TXNDC5: variants seen among roughly 807,000 people sequenced by gnomAD.
TXNDC5 encodes the protein thioredoxin domain-containing protein 5.
TXNDC5 carries 44 observed loss-of-function variants against 52.6 expected under a neutral mutation model. That is an observed-to-expected ratio of 0.84 (90% CI 0.66 to 1.08). The LOEUF is 1.08. Ranked by LOEUF, TXNDC5 falls within the 50% of genes least tolerant of loss-of-function variation. The pLI, the probability that TXNDC5 is intolerant of heterozygous loss-of-function variation, is 0.00. For synonymous variants in TXNDC5, 241 were observed against 234.4 expected (o/e 1.03, Z -0.26); for missense variants, 600 against 565.5 (o/e 1.06, Z -0.62).
intron 7 of TXNDC5, among the ~76,000 whole-genome samples, chr6:7,886,976 A>C (rs1760004244): frequency 6.6e-6 from 1 of 152,240 alleles, no homozygotes; most frequent in African/African-American, 2.4e-5. Flanking sequence ...TGCTGCGATG[A>C]AAACATCCGT....
chr6:7,889,477 TA>T lies in TXNDC5; in HGVS notation c.819+17del. 6.2e-7 allele frequency: 1 copy of T among 1,610,742 alleles called. No homozygotes were observed. The highest frequency in any genetic ancestry group is 8.5e-7 in the Non-Finnish European group (1 of 1,177,138). On this transcript the variant is annotated intron_variant, in intron 6 of 9. Transcript: ENST00000379757. ...TTAAGAGATGAAGAATTCTCAGTACTAAGAAGTGCAGACGTACCTTTTTCCC... is the reference window on the plus strand; with the variant it reads ...TTAAGAGATGAAGAATTCTCAGTACTAGAAGTGCAGACGTACCTTTTTCCC...
At chr6:7,888,254 C>T (rs931155737) in intron 7 of TXNDC5, among the ~76,000 whole-genome samples, 9 of 152,186 alleles carry the variant, frequency 5.9e-5, no homozygotes, top group Non-Finnish European at 8.8e-5. Flanking sequence ...CTGATCGCTG[C>T]GGATGCCCTC....
chr6:7,910,474 C>A (rs1304449178), intron 1 of TXNDC5, 40 bp downstream of exon 1: 2 of 1,375,422 alleles, frequency 1.5e-6, no homozygotes, highest in Non-Finnish European at 1.9e-6. Context: ...CCCCGCGAAG[C>A]GCCAAGTGCG....
chr6:7,889,337 A>G (rs1409258729), intron 6 of TXNDC5, 158 bp downstream of exon 6: 1 of 618,134 alleles, frequency 1.6e-6, no homozygotes. Flanking sequence ...AATCTTATCA[A>G]TTAAGAGAAA....
At chr6:7,906,563 A>AAAAAAAC (rs1294037939) in intron 1 of TXNDC5, among the ~76,000 whole-genome samples, 1 of 150,234 alleles carries the variant, frequency 6.7e-6, no homozygotes, top group East Asian at 2.0e-4. Context: ...AAAAAGAAAA[A>AAAAAAAC]CAGACTTAAA....
Position 7,888,722 on chromosome 6 carries a change from C to T in TXNDC5, c.946G>A (p.Glu316Lys), listed in dbSNP as rs529416999. 1.5e-5 allele frequency: 24 copies of T among 1,612,572 alleles called. No individual in the cohort carries two copies. In the East Asian group the frequency reaches 5.3e-4, roughly 36 times the overall value. Residue 316 changes from glutamate to lysine, a missense_variant, in exon 7 of 10, where the codon GAG (glutamate) becomes AAG (lysine). Coordinates refer to ENST00000379757, the MANE Select transcript of TXNDC5 (RefSeq NM_030810.5). ...TPSEAPVLAA[E>K]PEADKGTVLA... ...GCACCCACCTTGTCAGCCTCGGGCT[C>T]AGCTGCCAGCACCGGGGCCTCTGAG...
In TXNDC5 at chr6:7,899,121, A is replaced by C. The variant is rs536008783; in HGVS notation, c.519+455T>G. Among the ~76,000 whole-genome samples the C allele has an allele frequency of 1.2e-4, 18 of 152,254 alleles. No individual in the cohort carries two copies. In the South Asian group the frequency reaches 3.5e-3, roughly 30 times the overall value. On this transcript the variant is annotated intron_variant, in intron 3 of 9. Coordinates refer to ENST00000379757, the MANE Select transcript of TXNDC5 (RefSeq NM_030810.5). ...GGATAGGAGATTCTAGGCTGGGCCC[A>C]GCCCTGACCCCAGGTGGTCCAGAGT...
At chr6:7,902,081 G>A (rs979604913) in intron 2 of TXNDC5, among the ~76,000 whole-genome samples, 5 of 152,166 alleles carry the variant, frequency 3.3e-5, no homozygotes, top group Non-Finnish European at 7.3e-5. Context: ...CGGCAGTGAT[G>A]CATCTACAAG....
At chr6:7,895,868 C>G (rs1230133828) in intron 3 of TXNDC5, among the ~76,000 whole-genome samples, 1 of 152,160 alleles carries the variant, frequency 6.6e-6, no homozygotes, top group East Asian at 1.9e-4. Context: ...TGACGTGCGC[C>G]TGTGGTCCCA....
chr6:7,894,642 A>G, intron 4 of TXNDC5: 1 of 816,028 alleles, frequency 1.2e-6, no homozygotes, highest in Non-Finnish European at 1.5e-6. Context: ...AAAACAATGT[A>G]CCTTAATTAA....
At chr6:7,902,416 C>T (rs1391316949) in intron 2 of TXNDC5, among the ~76,000 whole-genome samples, 1 of 152,220 alleles carries the variant, frequency 6.6e-6, no homozygotes, top group Non-Finnish European at 1.5e-5. Context: ...GGAGCCCAAA[C>T]TCCCTGCCCC....
intron 2 of TXNDC5, among the ~76,000 whole-genome samples, chr6:7,904,326 G>A (rs538559511): frequency 4.6e-5 from 7 of 152,188 alleles, no homozygotes; most frequent in South Asian, 2.1e-4. Context: ...CTAGCATGGC[G>A]GGACCGTCAT....
At chr6:7,905,813 C>T (rs1314552653) in intron 1 of TXNDC5, among the ~76,000 whole-genome samples, 4 of 152,280 alleles carry the variant, frequency 2.6e-5, no homozygotes, top group South Asian at 4.1e-4. Flanking sequence ...TTTGCTGTAT[C>T]GCTTTTTAAA....
chr6:7,889,072 C>A, intron 6 of TXNDC5: 1 of 558,122 alleles, frequency 1.8e-6, no homozygotes, highest in South Asian at 3.1e-5. Context: ...CGGGGTTACA[C>A]ATCACAGAAG....
rs1760863368 is a variant in TXNDC5 at position 7,910,057 on chromosome 6, G to A, written c.263+457C>T. ...CCACCTTCCCCTCCCTCGGTGCCGA[G>A]GTGCAAGAGGCGGTTGAATTCAGGA... is the stretch of plus-strand genomic sequence containing the variant. On this transcript the variant is annotated intron_variant, in intron 1 of 9. Coordinates refer to ENST00000379757, the MANE Select transcript of TXNDC5 (RefSeq NM_030810.5). The A allele has an allele frequency of 4.3e-5, 42 of 986,046 alleles. No homozygotes were observed. The Admixed American group carries it at 4.3e-4, about 10-fold the overall frequency. The allele number at this position is 986,046 out of a possible 1,614,324, so 61.1% of individuals were successfully genotyped here.
In TXNDC5 at chr6:7,906,604, A is replaced by G. The variant is rs373208097; in HGVS notation, c.264-1881T>C. On this transcript the variant is annotated intron_variant, in intron 1 of 9. Coordinates refer to ENST00000379757, the MANE Select transcript of TXNDC5 (RefSeq NM_030810.5). ...CACTGAAAAAGTCTGCTTCAAGTTA[A>G]TGTGTCTTCCCTAAACAGCACTTTC... is the stretch of plus-strand genomic sequence containing the variant. Among the ~76,000 whole-genome samples, 28 of 150,684 alleles carry G rather than the reference A, an allele frequency of 1.9e-4. 1 individual carries two copies. In the East Asian group the frequency reaches 5.2e-3, roughly 28 times the overall value.
In TXNDC5 at chr6:7,895,133, T is replaced by C. The variant is rs1473030150; in HGVS notation, c.589A>G (p.Ser197Gly). 5 of 1,613,770 alleles carry C rather than the reference T, an allele frequency of 3.1e-6. No homozygotes were observed. Among genetic ancestry groups the C allele is most frequent in the Non-Finnish European group, 8.5e-7 (1 of 1,179,926 alleles). ...LKQGLYELSA[S>G]NFELHVAQGD... ...TGTGCAACGTGCAGCTCAAAGTTGC[T>C]TGCTGAGAGCTCATACAGCCCTTGC... Residue 197 changes from serine (S) to glycine (G), a missense_variant, in exon 4 of 10, where the codon AGC (serine) becomes GGC (glycine). By Grantham distance (56) the Ser-to-Gly change is moderately conservative (BLOSUM62 0). Coordinates refer to ENST00000379757, the MANE Select transcript of TXNDC5 (RefSeq NM_030810.5).
chr6:7,903,040 T>C (rs560955107), intron 2 of TXNDC5, among the ~76,000 whole-genome samples: 1 of 152,138 alleles, frequency 6.6e-6, no homozygotes, highest in African/African-American at 2.4e-5. Flanking sequence ...ACCTTCCCTG[T>C]GGCATGGTGT....
rs775486560 is a variant in TXNDC5, at chr6:7,886,037, C to A, written c.970G>T (p.Val324Leu). The A allele has an allele frequency of 2.5e-6, 4 of 1,613,984 alleles. No homozygotes were observed. Among genetic ancestry groups the A allele is most frequent in the Admixed American group, 1.7e-5 (1 of 59,990 alleles). Residue 324 changes from valine to leucine, a missense_variant, in exon 8 of 10, where the codon GTG becomes TTG. Transcript: ENST00000379757. ...AAGTTATTTTCAGTGAGTGCCAACACAGTGCCCTTCAAGGGAGGAAAAAGC... is the reference window on the plus strand; with the variant it reads ...AAGTTATTTTCAGTGAGTGCCAACAAAGTGCCCTTCAAGGGAGGAAAAAGC... ...AAEPEADKGT[V>L]LALTENNFDD... is the part of the protein sequence containing the mutation.
Sources: allele counts gnomAD v4.1 joint callset (sites outside exome capture counted in the v4.1 genomes callset), GRCh38; gene constraint gnomAD v4.1.1; transcripts MANE v1.5; gene names NCBI Gene and HGNC (gene_info 2026-07-23, HGNC 2026-07-21).